Variants in IL2RA observed in about 807,000 individuals in gnomAD.
The protein encoded by IL2RA is interleukin 2 receptor subunit alpha.
A neutral mutation model predicts 37.8 loss-of-function variants in IL2RA; 24 were observed. The observed-to-expected ratio is 0.63, with a 90% CI of 0.46 to 0.89. IL2RA has a LOEUF of 0.89. Among genes scored for constraint, IL2RA ranks in the 40% least tolerant of loss-of-function variants. The pLI is 0.00. For synonymous variants in IL2RA, 125 were observed against 114.6 expected, an observed-to-expected ratio of 1.09 and a Z score of -0.58; for missense variants, 319 against 348.6, an observed-to-expected ratio of 0.92 and a Z score of 0.68.
rs557357374 is a variant in IL2RA, at chr10:6,014,362, T to C, written c.795-1466A>G. Among the ~76,000 whole-genome samples, 9 of 152,264 alleles carry C rather than the reference T, an allele frequency of 5.9e-5. No individual in the cohort carries two copies. The highest frequency in any genetic ancestry group is 1.9e-4 in the African/African-American group (8 of 41,550). On this transcript the variant is annotated intron_variant, in intron 7 of 7. Coordinates refer to ENST00000379959, the MANE Select transcript of IL2RA (RefSeq NM_000417.3). The surrounding 1 kb of genome is among the most constrained non-coding windows in gnomAD (Gnocchi z 4.4). ...CACAAGAGGGCACCATGGGTTGATATCAGATTCTAGGAAGGCTTTTGGACA... is the reference window on the plus strand; with the variant it reads ...CACAAGAGGGCACCATGGGTTGATACCAGATTCTAGGAAGGCTTTTGGACA...
chr10:6,041,416 A>G (rs1419413527), intron 1 of IL2RA, among the ~76,000 whole-genome samples: 1 of 152,168 alleles, frequency 6.6e-6, no homozygotes, highest in Admixed American at 6.5e-5. Context: ...CGCCCGGCCA[A>G]TGGTGACTTA....
intron 1 of IL2RA, among the ~76,000 whole-genome samples, chr10:6,045,314 A>G (rs1839832920): frequency 6.6e-6 from 1 of 152,192 alleles, no homozygotes; most frequent in South Asian, 2.1e-4. Flanking sequence ...TTAAACAACA[A>G]CGAAATGATG....
chr10:6,012,843 T>C lies in IL2RA; in HGVS notation c.*29A>G, dbSNP rs769795224. 1.9e-6 allele frequency: 3 copies of C among 1,611,678 alleles called. No homozygotes were observed. ...CTTCTGTTGTCTGTTCCCGGCTTCT[T>C]ACCAAGAAATTCTTGTTCTTTTGGT... On this transcript the variant is annotated 3_prime_UTR_variant, in exon 8 of 8. Transcript: ENST00000379959. This position sits in a 1 kb window ranked among gnomAD's most constrained non-coding sequence, Gnocchi z 4.8.
chr10:6,031,198 C>T (rs1839568861), intron 1 of IL2RA, among the ~76,000 whole-genome samples: 1 of 151,316 alleles, frequency 6.6e-6, no homozygotes, highest in Non-Finnish European at 1.5e-5. Context: ...AACAGCAGGG[C>T]CCAACTATAT....
In IL2RA at chr10:6,062,172, G is replaced by A. The variant is rs768519633; in HGVS notation, c.-21C>T. ...TCCATCTTCCTGACCCTTGGGACCA[G>A]CCGGGGCAGTGAAGCGGAGGTCTTT... is the stretch of plus-strand genomic sequence containing the variant. On this transcript the variant is annotated 5_prime_UTR_variant, in exon 1 of 8. Transcript: ENST00000379959. 8.7e-6 allele frequency: 14 copies of A among 1,610,018 alleles called. No individual in the cohort carries two copies. Among genetic ancestry groups the A allele is most frequent in the Non-Finnish European group, 1.1e-5 (13 of 1,176,478 alleles).
rs1196583405 is a variant in IL2RA, at chr10:6,033,832, T to C, written c.65-7807A>G. On this transcript the variant is annotated intron_variant, in intron 1 of 7. Coordinates refer to ENST00000379959, the MANE Select transcript of IL2RA (RefSeq NM_000417.3). This position sits in a 1 kb window ranked among gnomAD's most constrained non-coding sequence, Gnocchi z 4.3. ...GAAGTGATGAAAACGTTTTTGCAGC[T>C]GTACACATTTGTCAAAACTCATCAA... Among the ~76,000 whole-genome samples the C allele has an allele frequency of 1.3e-5, 2 of 152,254 alleles. No individual in the cohort carries two copies. Among genetic ancestry groups the C allele is most frequent in the South Asian group, 2.1e-4 (1 of 4,836 alleles).
At chr10:6,031,477 T>C (rs548828254) in intron 1 of IL2RA, among the ~76,000 whole-genome samples, 5,673 of 31,058 alleles carry the variant, frequency 0.18, 277 homozygotes, top group East Asian at 0.29. Flanking sequence ...TATATATATA[T>C]ATATATATAT....
At chr10:6,041,141 G>A (rs937289334) in intron 1 of IL2RA, among the ~76,000 whole-genome samples, 7 of 136,564 alleles carry the variant, frequency 5.1e-5, no homozygotes, top group South Asian at 2.3e-4. Flanking sequence ...TTTTTGAGAC[G>A]GAGTCTCGCT....
intron 1 of IL2RA, among the ~76,000 whole-genome samples, chr10:6,026,288 T>A (rs917574972): frequency 6.6e-6 from 1 of 152,170 alleles, no homozygotes; most frequent in Non-Finnish European, 1.5e-5. Flanking sequence ...TTAACAAGGT[T>A]TTATTCCGAA....
chr10:6,013,431 C>T (rs552319090), intron 7 of IL2RA, among the ~76,000 whole-genome samples: 21 of 152,258 alleles, frequency 1.4e-4, no homozygotes, highest in African/African-American at 5.1e-4. Context: ...TTGGACAATA[C>T]GGTCTTAGCC....
In IL2RA at chr10:6,012,931, T is replaced by C. The variant is rs1268469568; in HGVS notation, c.795-35A>G. 1 of 1,609,844 alleles carries C rather than the reference T, an allele frequency of 6.2e-7. No individual in the cohort carries two copies. Among genetic ancestry groups the C allele is most frequent in the Admixed American group, 1.7e-5 (1 of 59,910 alleles). ...TGTAACAAAGTCACGGTCATATGTG[T>C]AACACGGCACCAAAAAAATGTGGTC... is the stretch of plus-strand genomic sequence containing the variant. On this transcript the variant is annotated intron_variant, in intron 7 of 7. Transcript: ENST00000379959. This position sits in a 1 kb window ranked among gnomAD's most constrained non-coding sequence, Gnocchi z 4.8.
intron 1 of IL2RA, among the ~76,000 whole-genome samples, chr10:6,030,152 C>A (rs1839553290): frequency 6.6e-6 from 1 of 152,080 alleles, no homozygotes; most frequent in Non-Finnish European, 1.5e-5. Flanking sequence ...TGCTGTAAGA[C>A]AATATTAAAT....
Position 6,058,495 on chromosome 10 carries a change from G to A in IL2RA, c.64+3593C>T, listed in dbSNP as rs151334991. On this transcript the variant is annotated intron_variant, in intron 1 of 7. Transcript: ENST00000379959. This position sits in a 1 kb window ranked among gnomAD's most constrained non-coding sequence, Gnocchi z 4.2. ...CTCAAGACATGTCTTGAAGATGAATGAAGTAACAGTAGCAATAATACTTTG... is the reference window on the plus strand; with the variant it reads ...CTCAAGACATGTCTTGAAGATGAATAAAGTAACAGTAGCAATAATACTTTG... Among the ~76,000 whole-genome samples the A allele has an allele frequency of 4.0e-3, 606 of 152,294 alleles. 3 individuals carry two copies. Among genetic ancestry groups the A allele is most frequent in the African/African-American group, 0.014 (583 of 41,552 alleles).
rs12722501 is a variant in IL2RA at position 6,052,641 on chromosome 10, G to GC, written c.64+9446dup. On this transcript the variant is annotated intron_variant, in intron 1 of 7. Coordinates refer to ENST00000379959, the MANE Select transcript of IL2RA (RefSeq NM_000417.3). The stretch of plus-strand genomic sequence containing the variant: ...AAAACCTTCCCAGGGGAGAAAACGC[G>GC]CCCCCCCTCACGCCTCAGAGGCACA... Among the ~76,000 whole-genome samples, 1,507 of 151,780 alleles carry GC rather than the reference G, an allele frequency of 9.9e-3. 16 individuals carry two copies. Among genetic ancestry groups the GC allele is most frequent in the South Asian group, 0.017 (83 of 4,800 alleles).
chr10:6,027,496 G>T (rs1417255579), intron 1 of IL2RA, among the ~76,000 whole-genome samples: 1 of 152,236 alleles, frequency 6.6e-6, no homozygotes, highest in Non-Finnish European at 1.5e-5. Flanking sequence ...AAGAGCAGCA[G>T]CATGGTGGGA....
Position 6,021,430 on chromosome 10 carries a change from C to T in IL2RA, c.583+48G>A. The stretch of plus-strand genomic sequence containing the variant: ...GGTCAGGGATTCCACTCTGGTCAGC[C>T]TGATGGAGCAAAGCAACATTGTGGA... On this transcript the variant is annotated intron_variant, in intron 4 of 7. Coordinates refer to ENST00000379959, the MANE Select transcript of IL2RA (RefSeq NM_000417.3). The surrounding 1 kb of genome is among the most constrained non-coding windows in gnomAD (Gnocchi z 4.9). The T allele has an allele frequency of 6.6e-7, 1 of 1,510,182 alleles. No homozygotes were observed. Among genetic ancestry groups the T allele is most frequent in the East Asian group, 2.3e-5 (1 of 44,404 alleles). The allele number at this position is 1,510,182 out of a possible 1,614,324, so 93.5% of individuals were successfully genotyped here.
rs1299907703 is a variant in IL2RA at position 6,062,131 on chromosome 10, C to T, written c.21G>A (p.Met7Ile). The part of the protein sequence containing the change: MDSYLL[M>I]WGLLTFIMVP... ...CCATGATGAACGTGAGCAGTCCCCA[C>T]ATCAGCAGGTATGAATCCATCTTCC... is the stretch of plus-strand genomic sequence containing the variant. Residue 7 changes from methionine (M) to isoleucine (I), a missense_variant, in exon 1 of 8, where the codon ATG (methionine) becomes ATA (isoleucine). By Grantham distance (10) the Met-to-Ile change is conservative. Transcript: ENST00000379959. The T allele has an allele frequency of 1.9e-6, 3 of 1,613,994 alleles. No homozygotes were observed. The highest frequency in any genetic ancestry group is 2.5e-6 in the Non-Finnish European group (3 of 1,179,960).
At chr10:6,052,235 G>A (rs930907832) in intron 1 of IL2RA, among the ~76,000 whole-genome samples, 1 of 152,120 alleles carries the variant, frequency 6.6e-6, no homozygotes, top group Admixed American at 6.5e-5. Flanking sequence ...TGTCCTCTCT[G>A]TCACATCTAA....
In IL2RA at chr10:6,025,930, C is replaced by G; in HGVS notation, c.160G>C (p.Gly54Arg). The change falls in exon 2 of 8, where the codon GGT becomes CGT. Residue 54 changes from glycine (G) to arginine (R), a missense_variant. Physicochemically the swap from Gly to Arg is moderately radical, Grantham distance 125. Transcript: ENST00000379959. The surrounding 1 kb of genome is among the most constrained non-coding windows in gnomAD (Gnocchi z 4.4). ...GACCCGCTTTTTATTCTGCGGAAAC[C>G]TCTCTTGCATTCACAGTTCAACATG... Reference protein sequence around the residue: ...GTMLNCECKRGFRRIKSGSLY... With the variant: ...GTMLNCECKRRFRRIKSGSLY... 1 of 1,614,200 alleles carries G rather than the reference C, an allele frequency of 6.2e-7. No individual in the cohort carries two copies. Among genetic ancestry groups the G allele is most frequent in the Non-Finnish European group, 8.5e-7 (1 of 1,180,042 alleles).
Sources: gnomAD v4.1 joint callset for allele counts (sites outside exome capture counted in the v4.1 genomes callset) on GRCh38, gnomAD v4.1.1 for gene constraint, Gnocchi (gnomAD v3.1) non-coding constraint, MANE v1.5 for transcripts, NCBI Gene and HGNC (gene_info 2026-07-23, HGNC 2026-07-21) for gene names.